PAMR1: variants seen among roughly 807,000 people sequenced by gnomAD.
PAMR1 encodes peptidase domain containing associated with muscle regeneration 1.
In PAMR1, 88 loss-of-function variants were observed where a neutral mutation model predicts 81.8. The ratio of observed to expected loss-of-function variants is 1.08; its 90% confidence interval spans 0.91 to 1.28. The LOEUF is 1.28. Among genes scored for constraint, PAMR1 ranks in the 50% most tolerant of loss-of-function variants. The pLI is 0.00. For missense variants in PAMR1, 935 were observed against 919.7 expected (o/e 1.02, Z -0.21); for synonymous variants, 336 against 345.3 (o/e 0.97, Z 0.30).
At chr11:35,491,065 C>T (rs1359059043) in intron 3 of PAMR1, among the ~76,000 whole-genome samples, 1 of 152,098 alleles carries the variant, frequency 6.6e-6, no homozygotes, top group Non-Finnish European at 1.5e-5. Flanking sequence ...TACGAGAAAC[C>T]ACCTAAAATG....
rs1415003863 is a variant in PAMR1 at position 35,432,791 on chromosome 11, G to A, written c.1728C>T (p.Val576=). The A allele has an allele frequency of 5.0e-6, 8 of 1,610,944 alleles. No individual in the cohort carries two copies. Among genetic ancestry groups the A allele is most frequent in the Non-Finnish European group, 6.8e-6 (8 of 1,180,016 alleles). ...LLDKARISTR[V]QPICLAASRD... ...GACTGGCAGCGAGGCAGATGGGCTG[G>A]ACTCGGGTGCTGATACGGGCCTTGT... The change falls in exon 11 of 11, where the codon GTC becomes GTT. Residue 576 remains valine (V), a synonymous_variant. Transcript: ENST00000619888.
At chr11:35,433,035 A>G (rs1211378612) in intron 10 of PAMR1, 143 bp from the exon 11 acceptor site, 1 of 726,078 alleles carries the variant, frequency 1.4e-6, no homozygotes, top group African/African-American at 1.8e-5. Context: ...TCAAGAAATC[A>G]TGGAAAACAA....
intron 6 of PAMR1, among the ~76,000 whole-genome samples, chr11:35,442,643 A>G (rs1856198514): frequency 6.7e-6 from 1 of 150,078 alleles, no homozygotes; most frequent in South Asian, 2.1e-4. Context: ...ACATGGTCTC[A>G]CTCCGTCACC....
At position 35,470,661 on chromosome 11, in the gene PAMR1, A is replaced by G. The variant is rs370810448; in HGVS notation, c.652T>C (p.Phe218Leu). ...QSIGSSLHVLFHSDGSKNFDG... is the reference protein window; with the variant it reads ...QSIGSSLHVLLHSDGSKNFDG... ...AAATTCTTGGAGCCATCGGAGTGGA[A>G]GAGGACGTGGAGTGAGGATCCTATG... Residue 218 changes from phenylalanine (F) to leucine (L), a missense_variant, in exon 5 of 11, where the codon TTC becomes CTC. Transcript: ENST00000619888. 1 of 1,614,066 alleles carries G rather than the reference A, an allele frequency of 6.2e-7. No homozygotes were observed. The highest frequency in any genetic ancestry group is 1.3e-5 in the African/African-American group (1 of 74,914).
Position 35,432,392 on chromosome 11 carries a change from CA to C in PAMR1, c.2126del (p.Leu709ArgfsTer11). On this transcript the variant is annotated frameshift_variant, in exon 11 of 11. Coordinates refer to ENST00000619888, the MANE Select transcript of PAMR1 (RefSeq NM_001001991.3). LOFTEE classifies it high-confidence loss of function. ...TTCTTTCAATCCAGTCTTTAAAAGG[CA>C]GCACCTTGGTGAAGGCAGTGGAGAG... The part of the protein sequence containing the change: ...HRLSTAFTKV[L>X]PFKDWIERNM... 6.2e-7 allele frequency: 1 copy of C among 1,613,642 alleles called. No individual in the cohort carries two copies. Among genetic ancestry groups the C allele is most frequent in the Non-Finnish European group, 8.5e-7 (1 of 1,180,020 alleles).
At chr11:35,518,274 A>C (rs564655425) in intron 1 of PAMR1, among the ~76,000 whole-genome samples, 2 of 152,098 alleles carry the variant, frequency 1.3e-5, no homozygotes, top group South Asian at 4.2e-4. Flanking sequence ...TTATAGGAGT[A>C]GATGATACCA....
intron 1 of PAMR1, among the ~76,000 whole-genome samples, chr11:35,519,263 G>T (rs1170844719): frequency 6.6e-6 from 1 of 152,094 alleles, no homozygotes; most frequent in African/African-American, 2.4e-5. Flanking sequence ...TAGAGGAAAG[G>T]GATTGAGTCT....
chr11:35,467,911 A>G (rs1418765254), intron 6 of PAMR1, 90 bp downstream of exon 6: 2 of 737,780 alleles, frequency 2.7e-6, no homozygotes, highest in East Asian at 2.7e-5. Flanking sequence ...CATCCTAGAC[A>G]TGAAGAAAGA....
chr11:35,522,944 C>G (rs1233295733), intron 1 of PAMR1, among the ~76,000 whole-genome samples: 1 of 152,206 alleles, frequency 6.6e-6, no homozygotes, highest in Non-Finnish European at 1.5e-5. Context: ...TTAATCTCTT[C>G]ATCCTCTGAA....
intron 5 of PAMR1, among the ~76,000 whole-genome samples, chr11:35,469,508 G>A (rs1426636249): frequency 6.6e-6 from 1 of 152,216 alleles, no homozygotes; most frequent in Non-Finnish European, 1.5e-5. Context: ...AGAGGATTCA[G>A]CCACAGGCTG....
chr11:35,455,170 A>G lies in PAMR1; in HGVS notation c.820+12831T>C, dbSNP rs578100147. On this transcript the variant is annotated intron_variant, in intron 6 of 10. Coordinates refer to ENST00000619888, the MANE Select transcript of PAMR1 (RefSeq NM_001001991.3). Reference sequence around the variant, plus strand: ...CGACATAAAAGTAGCTGAGATGACCAGGTCCATAAATTCTATAGGAAGTGG... The same window carrying G: ...CGACATAAAAGTAGCTGAGATGACCGGGTCCATAAATTCTATAGGAAGTGG... 2.0e-5 allele frequency among the ~76,000 whole-genome samples: 3 copies of G among 152,374 alleles called. No homozygotes were observed. In the East Asian group the frequency reaches 5.8e-4, roughly 29 times the overall value.
chr11:35,443,647 T>C (rs1856228558), intron 6 of PAMR1, among the ~76,000 whole-genome samples: 1 of 152,244 alleles, frequency 6.6e-6, no homozygotes, highest in Non-Finnish European at 1.5e-5. Context: ...TCTTTGCTAT[T>C]GTGACCAGTG....
At chr11:35,434,183 G>A (rs902979352) in intron 10 of PAMR1, among the ~76,000 whole-genome samples, 1 of 152,092 alleles carries the variant, frequency 6.6e-6, no homozygotes. Flanking sequence ...TTTTTAATTT[G>A]TTAATTTATG....
chr11:35,489,200 G>A (rs1850569742), intron 3 of PAMR1, among the ~76,000 whole-genome samples: 1 of 152,120 alleles, frequency 6.6e-6, no homozygotes, highest in African/African-American at 2.4e-5. Flanking sequence ...ATTTCCTACT[G>A]TCTGCAGAGT....
chr11:35,481,383 T>C (rs1239362606), intron 3 of PAMR1, among the ~76,000 whole-genome samples: 1 of 152,242 alleles, frequency 6.6e-6, no homozygotes, highest in Non-Finnish European at 1.5e-5. Flanking sequence ...TCTTGACTTT[T>C]TAATAATCAC....
At chr11:35,526,088 T>C (rs983164243), upstream of PAMR1, 5 of 159,448 alleles carry the variant, frequency 3.1e-5, no homozygotes, top group African/African-American at 7.2e-5. Flanking sequence ...AAGGAGGAGT[T>C]GGTGATGGGA....
At chr11:35,471,053 G>T (rs1850166085) in intron 4 of PAMR1, among the ~76,000 whole-genome samples, 1 of 152,150 alleles carries the variant, frequency 6.6e-6, no homozygotes, top group Non-Finnish European at 1.5e-5. Context: ...GTGGAGCAAG[G>T]TGCCATAATC....
intron 5 of PAMR1, among the ~76,000 whole-genome samples, chr11:35,468,776 C>A (rs551612185): frequency 6.6e-6 from 1 of 152,296 alleles, no homozygotes; most frequent in East Asian, 1.9e-4. Context: ...GACCTCAAAG[C>A]CTGCATTTTA....
At chr11:35,526,655 G>C (rs974175263), upstream of PAMR1, among the ~76,000 whole-genome samples, 1 of 152,214 alleles carries the variant, frequency 6.6e-6, no homozygotes, top group Non-Finnish European at 1.5e-5. Flanking sequence ...CAGAGCCAGG[G>C]TTTGAACCCG....
Sources: gnomAD v4.1 joint callset for allele counts (sites outside exome capture counted in the v4.1 genomes callset) on GRCh38, gnomAD v4.1.1 for gene constraint, MANE v1.5 for transcripts, NCBI Gene and HGNC (gene_info 2026-07-23, HGNC 2026-07-21) for gene names.